The following ARSF variants were observed in gnomAD, a reference collection of about 807,000 sequenced individuals.
ARSF encodes arylsulfatase F.
In ARSF, 33 loss-of-function variants were observed where a neutral mutation model predicts 35.4. That is an observed-to-expected ratio of 0.93 (90% confidence interval 0.71 to 1.25). The LOEUF is 1.25. Ranked by LOEUF, ARSF falls within the 50% of genes most tolerant of loss-of-function variation. The probability of loss-of-function intolerance (pLI) is 0.00; values close to 1 mark genes in which losing one functional copy is unlikely to be tolerated. For missense variants in ARSF, 501 were observed against 480.2 expected, an observed-to-expected ratio of 1.04 and a Z score of -0.40; for synonymous variants, 222 against 193.1, an observed-to-expected ratio of 1.15 and a Z score of -1.24.
intron 7 of ARSF, among the ~76,000 whole-genome samples, chrX:3,090,130 A>G (rs1255786775): frequency 9.0e-6 from 1 of 111,581 alleles, no homozygotes; most frequent in Non-Finnish European, 1.9e-5. Context: ...GTGTCCACAT[A>G]TACTTGATGT....
intron 5 of ARSF, among the ~76,000 whole-genome samples, chrX:3,083,730 A>G (rs2090222976): frequency 9.0e-6 from 1 of 111,268 alleles, no homozygotes; most frequent in African/African-American, 3.3e-5. Flanking sequence ...CTACCTACCT[A>G]TCATCTCTAG....
intron 4 of ARSF, among the ~76,000 whole-genome samples, chrX:3,080,114 A>G (rs1044365603): frequency 3.6e-5 from 4 of 110,669 alleles, no homozygotes; most frequent in African/African-American, 1.3e-4. Flanking sequence ...TCTTGGAGGC[A>G]GAATAAAATC....
chrX:3,112,152 G>C (rs753449482), intron 10 of ARSF, 22 bp from the exon 11 acceptor site: 7 of 1,164,360 alleles, frequency 6.0e-6, no homozygotes, highest in Non-Finnish European at 6.9e-6. Context: ...ATCATTTGAC[G>C]AGTCTCTCTT....
chrX:3,110,200 CCACTA>C lies in ARSF; in HGVS notation c.1340_1344del (p.His447LeufsTer80), dbSNP rs757442030. 1.7e-6 allele frequency: 2 copies of C among 1,205,170 alleles called. No homozygotes were observed. The highest frequency in any genetic ancestry group is 6.0e-5 in the East Asian group (2 of 33,540). Reference sequence around the variant, plus strand: ...GGCACTCGGAGCATGAATTTCTTTTCCACTACTGTGGCTCCTACCTGCACGCCGTG... The same window carrying C: ...GGCACTCGGAGCATGAATTTCTTTTCCTGTGGCTCCTACCTGCACGCCGTG... On this transcript the variant is annotated frameshift_variant, in exon 10 of 11. Coordinates refer to ENST00000381127, the MANE Select transcript of ARSF (RefSeq NM_001201539.2). LOFTEE classifies it high-confidence loss of function.
intron 1 of ARSF, chrX:3,058,452 C>T (rs763393619): frequency 2.9e-4 from 68 of 235,470 alleles, no homozygotes; most frequent in Admixed American, 2.8e-3. Context: ...ACTTCTGGGC[C>T]GAAGCGATCC....
intron 7 of ARSF, among the ~76,000 whole-genome samples, chrX:3,090,768 A>G (rs186965976): frequency 5.4e-5 from 6 of 112,131 alleles, no homozygotes; most frequent in Non-Finnish European, 1.1e-4. Context: ...AAAGGACATG[A>G]TCTTGTTCTT....
chrX:3,050,705 G>A lies in ARSF; in HGVS notation c.-29+9042G>A, dbSNP rs1016668599. Among the ~76,000 whole-genome samples the A allele has an allele frequency of 2.7e-5, 3 of 110,945 alleles. No individual in the cohort carries two copies. The Admixed American group carries it at 2.9e-4, about 11-fold the overall frequency. On this transcript the variant is annotated intron_variant, in intron 1 of 10. Transcript: ENST00000381127. ...TTCTGGAGTCTTGTGTCCCTTCTCC[G>A]CTGAGTCTTCCCTTGGGGTTGGGCT...
intron 7 of ARSF, among the ~76,000 whole-genome samples, chrX:3,099,402 ACTC>A (rs1355898275): frequency 9.1e-6 from 1 of 109,504 alleles, no homozygotes; most frequent in East Asian, 2.8e-4. Context: ...ATCTGTTTAA[ACTC>A]CTCTGATCTG....
intron 1 of ARSF, chrX:3,066,733 C>T (rs1462680262): frequency 9.0e-6 from 1 of 110,744 alleles, no homozygotes; most frequent in Non-Finnish European, 1.9e-5. Flanking sequence ...AGGGACCAGC[C>T]CTCCCATGGG....
At chrX:3,076,780 C>A in intron 4 of ARSF, 111 bp downstream of exon 4, 1 of 1,046,748 alleles carries the variant, frequency 9.6e-7, no homozygotes, top group Admixed American at 2.8e-5. Flanking sequence ...CACGATGGCT[C>A]ACGCCTGTAA....
Position 3,106,060 on chromosome X carries a change from G to T in ARSF, c.1265+2136G>T, listed in dbSNP as rs141757355. Among the ~76,000 whole-genome samples, 784 of 111,870 alleles carry T rather than the reference G, an allele frequency of 7.0e-3. 7 individuals are homozygous for T. Among genetic ancestry groups the T allele is most frequent in the African/African-American group, 0.024 (737 of 30,795 alleles). On this transcript the variant is annotated intron_variant, in intron 9 of 10. Coordinates refer to ENST00000381127, the MANE Select transcript of ARSF (RefSeq NM_001201539.2). Reference sequence around the variant, plus strand: ...CACTCCAGTGCATTCGGCGCCATGAGATTACATGCTCATTTGGTCAGGGGT... The same window carrying T: ...CACTCCAGTGCATTCGGCGCCATGATATTACATGCTCATTTGGTCAGGGGT...
At chrX:3,107,459 C>T (rs776195411) in intron 9 of ARSF, among the ~76,000 whole-genome samples, 142 of 111,042 alleles carry the variant, frequency 1.3e-3, no homozygotes, top group African/African-American at 4.3e-3. Flanking sequence ...AAAGACAAGC[C>T]GTGGAGTAGA....
chrX:3,089,571 C>T lies in ARSF; in HGVS notation c.906C>T (p.Phe302=), dbSNP rs2147522670. The T allele has an allele frequency of 8.3e-7, 1 of 1,209,936 alleles. No individual in the cohort carries two copies. The highest frequency in any genetic ancestry group is 2.2e-5 in the Admixed American group (1 of 45,697). Residue 302 remains phenylalanine, a synonymous_variant, in exon 7 of 11, where the codon TTC becomes TTT. Transcript: ENST00000381127. The part of the protein sequence containing the change: ...VHTPLPTTDD[F]TGTSKHGLYG... The stretch of plus-strand genomic sequence containing the variant: ...CACCTCTCCCCACCACGGACGATTT[C>T]ACTGGCACCAGCAAGCATGGCTTGT...
At chrX:3,106,568 C>T (rs1049901135) in intron 9 of ARSF, among the ~76,000 whole-genome samples, 1 of 111,625 alleles carries the variant, frequency 9.0e-6, no homozygotes, top group East Asian at 2.8e-4. Flanking sequence ...AACTCAAAAG[C>T]GGCTCTCACC....
chrX:3,093,523 T>C lies in ARSF; in HGVS notation c.967+3891T>C, dbSNP rs1263235804. Reference sequence around the variant, plus strand: ...GAACATGTGGTAGTTGGTTTTCTTTTTCTGTGTTAATTTGCTTAGGACAAT... The same window carrying C: ...GAACATGTGGTAGTTGGTTTTCTTTCTCTGTGTTAATTTGCTTAGGACAAT... On this transcript the variant is annotated intron_variant, in intron 7 of 10. Transcript: ENST00000381127. Among the ~76,000 whole-genome samples the C allele has an allele frequency of 4.5e-5, 5 of 112,039 alleles. No individual in the cohort carries two copies. In the East Asian group the frequency reaches 1.4e-3, roughly 31 times the overall value.
At chrX:3,081,068 T>C (rs2090198273) in intron 5 of ARSF, 55 bp downstream of exon 5, 2 of 1,173,772 alleles carry the variant, frequency 1.7e-6, no homozygotes, top group African/African-American at 3.6e-5. Context: ...ATGTCCTTTG[T>C]TCTACCCTTG....
chrX:3,063,805 G>T (rs1279529224), intron 1 of ARSF, among the ~76,000 whole-genome samples: 1 of 111,537 alleles, frequency 9.0e-6, no homozygotes, highest in East Asian at 2.8e-4. Context: ...GAAATAAAAT[G>T]ACACAAACAA....
At position 3,054,708 on chromosome X, in the gene ARSF, A is replaced by G. The variant is rs779687188; in HGVS notation, c.-29+13045A>G. 1.9e-3 allele frequency among the ~76,000 whole-genome samples: 202 copies of G among 107,936 alleles called. 1 individual carries two copies. The highest frequency in any genetic ancestry group is 6.2e-3 in the African/African-American group (185 of 29,634). 93.7% of individuals were successfully genotyped at this position (107,936 alleles called of 115,157 possible). ...TTTAGATAAGGTGGAAATAAATCCA[A>G]CCTTTAGGATGGATGCATGAAACTG... On this transcript the variant is annotated intron_variant, in intron 1 of 10. Coordinates refer to ENST00000381127, the MANE Select transcript of ARSF (RefSeq NM_001201539.2).
intron 7 of ARSF, among the ~76,000 whole-genome samples, chrX:3,097,745 T>C (rs1323024860): frequency 2.7e-5 from 3 of 111,943 alleles, no homozygotes; most frequent in African/African-American, 9.7e-5. Context: ...TCATAAATTG[T>C]TTAGGCCAGG....
Sources: gnomAD v4.1 joint callset for allele counts (sites outside exome capture counted in the v4.1 genomes callset) on GRCh38, gnomAD v4.1.1 for gene constraint, MANE v1.5 for transcripts, NCBI Gene and HGNC (gene_info 2026-07-23, HGNC 2026-07-21) for gene names.